Variants in HEMK2 observed in about 807,000 individuals in gnomAD.
HEMK2 encodes the protein HemK methyltransferase 2, ETF1 glutamine and histone H4 lysine, also known as methyltransferase HEMK2.
chr21:28,863,407 CTTTTATATATATATATATATAT>C, the HEMK2 span, among the ~76,000 whole-genome samples: 22 of 66,470 alleles, frequency 3.3e-4, no homozygotes, highest in Middle Eastern at 0.011. Context: ...AATAAACTCC[CTTTTATATATATATATATATAT>C]ATATATATAT....
At chr21:28,726,503 AATTT>A in the HEMK2 span, among the ~76,000 whole-genome samples, 19 of 152,224 alleles carry the variant, frequency 1.2e-4, no homozygotes, top group African/African-American at 4.3e-4. Flanking sequence ...GTCCAAAAAG[AATTT>A]ATTTAAGTAG....
At chr21:28,848,497 T>C in the HEMK2 span, among the ~76,000 whole-genome samples, 1 of 152,158 alleles carries the variant, frequency 6.6e-6, no homozygotes, top group Non-Finnish European at 1.5e-5. Context: ...TAATGTTAAA[T>C]AGAATGATAA....
the HEMK2 span, among the ~76,000 whole-genome samples, chr21:28,697,798 A>AAAAAAAG: frequency 6.6e-6 from 1 of 151,714 alleles, no homozygotes. Flanking sequence ...AAAAAAAAAA[A>AAAAAAAG]ATCTTTTCTT....
chr21:28,793,347 A>G, the HEMK2 span, among the ~76,000 whole-genome samples: 1 of 152,226 alleles, frequency 6.6e-6, no homozygotes, highest in Non-Finnish European at 1.5e-5. Context: ...TCATTTGCCT[A>G]AAACGAAATG....
chr21:28,731,950 T>C, the HEMK2 span, among the ~76,000 whole-genome samples: 1 of 152,180 alleles, frequency 6.6e-6, no homozygotes, highest in Non-Finnish European at 1.5e-5. Flanking sequence ...GGTGGTGACA[T>C]GCAAGGCAAC....
At chr21:28,864,640 T>A in the HEMK2 span, among the ~76,000 whole-genome samples, 1 of 152,174 alleles carries the variant, frequency 6.6e-6, no homozygotes, top group Non-Finnish European at 1.5e-5. Flanking sequence ...TTCACTTCAA[T>A]CCTAACTTGC....
At chr21:28,832,790 G>A in the HEMK2 span, among the ~76,000 whole-genome samples, 17 of 152,136 alleles carry the variant, frequency 1.1e-4, no homozygotes, top group African/African-American at 3.6e-4. Context: ...ATAACCATTC[G>A]TGTATTGATA....
chr21:28,587,393 A>C, the HEMK2 span, among the ~76,000 whole-genome samples: 1 of 152,190 alleles, frequency 6.6e-6, no homozygotes, highest in Non-Finnish European at 1.5e-5. Flanking sequence ...ATAATAGATT[A>C]ATTGGTTGGT....
the HEMK2 span, among the ~76,000 whole-genome samples, chr21:28,732,235 G>A: frequency 2.0e-5 from 3 of 152,232 alleles, no homozygotes; most frequent in Non-Finnish European, 4.4e-5. Context: ...CATGTCCTGT[G>A]TTAAAGAGAA....
At chr21:28,694,228 G>A in the HEMK2 span, among the ~76,000 whole-genome samples, 1 of 152,176 alleles carries the variant, frequency 6.6e-6, no homozygotes, top group African/African-American at 2.4e-5. Context: ...TTCTTTTAAT[G>A]GTTACGGTAC....
chr21:28,575,830 A>G, the HEMK2 span, among the ~76,000 whole-genome samples: 1 of 152,342 alleles, frequency 6.6e-6, no homozygotes, highest in South Asian at 2.1e-4. Context: ...GTAATGTTAC[A>G]TAAAGAGAAC....
At chr21:28,718,216 T>C in the HEMK2 span, among the ~76,000 whole-genome samples, 1 of 152,232 alleles carries the variant, frequency 6.6e-6, no homozygotes, top group Admixed American at 6.5e-5. Context: ...TTAATTTCCA[T>C]GTAATTGTCT....
the HEMK2 span, among the ~76,000 whole-genome samples, chr21:28,651,637 T>C: frequency 7.9e-5 from 12 of 152,218 alleles, no homozygotes; most frequent in Non-Finnish European, 1.5e-4. Context: ...TGATATAATA[T>C]CTTGCATAGA....
the HEMK2 span, among the ~76,000 whole-genome samples, chr21:28,797,847 C>T: frequency 3.3e-5 from 5 of 152,252 alleles, no homozygotes; most frequent in East Asian, 5.8e-4. Flanking sequence ...GGTTCTGTGA[C>T]ATGTGGGTGC....
At chr21:28,597,742 A>G in the HEMK2 span, among the ~76,000 whole-genome samples, 3 of 152,228 alleles carry the variant, frequency 2.0e-5, no homozygotes, top group African/African-American at 7.2e-5. Flanking sequence ...TTTTAGGCTG[A>G]TGGGAAACAG....
chr21:28,582,976 A>T, the HEMK2 span, among the ~76,000 whole-genome samples: 1 of 152,216 alleles, frequency 6.6e-6, no homozygotes, highest in African/African-American at 2.4e-5. Flanking sequence ...AGAGAATTTC[A>T]GAGACAATAG....
the HEMK2 span, among the ~76,000 whole-genome samples, chr21:28,814,647 C>T: frequency 6.6e-6 from 1 of 152,030 alleles, no homozygotes; most frequent in East Asian, 1.9e-4. Context: ...TCATCACTGG[C>T]CATCAGAGAA....
the HEMK2 span, among the ~76,000 whole-genome samples, chr21:28,577,872 C>A: frequency 8.5e-5 from 13 of 152,278 alleles, no homozygotes; most frequent in African/African-American, 2.9e-4. Context: ...ATTTCTATTT[C>A]TAGTACCCTT....
the HEMK2 span, among the ~76,000 whole-genome samples, chr21:28,734,469 G>A: frequency 2.2e-4 from 33 of 151,908 alleles, no homozygotes; most frequent in South Asian, 2.5e-3. Context: ...AAGGTGAGTT[G>A]GTAAAATAAT....
Sources: allele counts gnomAD v4.1 joint callset (sites outside exome capture counted in the v4.1 genomes callset), GRCh38; gene constraint gnomAD v4.1.1; transcripts MANE v1.5; gene names NCBI Gene and HGNC (gene_info 2026-07-23, HGNC 2026-07-21).